KCNJ16: variants seen among roughly 807,000 people sequenced by gnomAD.
KCNJ16 encodes the protein potassium inwardly rectifying channel subfamily J member 16, also known as inward rectifier potassium channel 16.
A neutral mutation model predicts 18.5 loss-of-function variants in KCNJ16; 15 were observed. That is an observed-to-expected ratio of 0.81 (90% CI 0.54 to 1.25). KCNJ16 has a LOEUF of 1.25. KCNJ16 is among the 50% of genes most tolerant of loss of function. KCNJ16 has a pLI of 0.00. For synonymous variants in KCNJ16, 174 were observed against 186.5 expected (o/e 0.93, Z 0.55); for missense variants, 523 against 525.7 (o/e 0.99, Z 0.05).
At chr17:70,096,245 C>T (rs2072366385) in intron 1 of KCNJ16, among the ~76,000 whole-genome samples, 1 of 152,032 alleles carries the variant, frequency 6.6e-6, no homozygotes, top group South Asian at 2.1e-4. Context: ...GTCCTGCATA[C>T]AGTCTGATTT....
At chr17:70,116,653 CAG>C (rs1007706898) in intron 2 of KCNJ16, among the ~76,000 whole-genome samples, 1 of 152,054 alleles carries the variant, frequency 6.6e-6, no homozygotes, top group Non-Finnish European at 1.5e-5. Flanking sequence ...TTTACACAAA[CAG>C]ACACTTTTCA....
At chr17:70,126,149 G>A (rs755752039) in intron 2 of KCNJ16, among the ~76,000 whole-genome samples, 1 of 152,152 alleles carries the variant, frequency 6.6e-6, no homozygotes, top group Non-Finnish European at 1.5e-5. Flanking sequence ...TGTAACTACA[G>A]TCTTCTGCAA....
intron 2 of KCNJ16, among the ~76,000 whole-genome samples, chr17:70,104,638 A>T (rs1246151862): frequency 2.0e-5 from 3 of 152,186 alleles, no homozygotes; most frequent in African/African-American, 7.2e-5. Flanking sequence ...GACAATAAGA[A>T]ATTTAGGGGT....
intron 2 of KCNJ16, among the ~76,000 whole-genome samples, chr17:70,111,602 G>A (rs1234310776): frequency 6.6e-6 from 1 of 152,046 alleles, no homozygotes; most frequent in East Asian, 1.9e-4. Context: ...TCGCAGACAG[G>A]CAAGGTCACT....
intron 1 of KCNJ16, among the ~76,000 whole-genome samples, chr17:70,098,707 C>T (rs1357274436): frequency 3.9e-5 from 6 of 152,046 alleles, no homozygotes; most frequent in African/African-American, 1.4e-4. Context: ...ATATTAGAAG[C>T]TAGAAGCTTT....
Position 70,132,161 on chromosome 17 carries a change from T to C in KCNJ16, c.74T>C (p.Ile25Thr), listed in dbSNP as rs749072198. 33 of 1,614,048 alleles carry C rather than the reference T, an allele frequency of 2.0e-5. No homozygotes were observed. In the South Asian group the frequency reaches 3.5e-4, roughly 17 times the overall value. Residue 25 changes from isoleucine to threonine, a missense_variant, in exon 4 of 4, where the codon ATT becomes ACT. Coordinates refer to ENST00000392671, the MANE Select transcript of KCNJ16 (RefSeq NM_170741.4). ...AKYPGYPPEH[I>T]IAEKRRARRR... ...TACCCAGGCTACCCGCCAGAGCACA[T>C]TATAGCTGAGAAGAGAAGAGCAAGA...
chr17:70,089,513 T>TA (rs2071988437), intron 1 of KCNJ16, among the ~76,000 whole-genome samples: 2 of 152,200 alleles, frequency 1.3e-5, no homozygotes, highest in African/African-American at 4.8e-5. Flanking sequence ...TATGTTTTAA[T>TA]AGTTCCCAAA....
intron 2 of KCNJ16, among the ~76,000 whole-genome samples, chr17:70,111,267 A>G (rs2073173037): frequency 6.6e-6 from 1 of 152,190 alleles, no homozygotes; most frequent in Admixed American, 6.5e-5. Context: ...TTTGCAAAAC[A>G]CAAAAGATAT....
At chr17:70,099,537 A>G (rs2072531040) in intron 1 of KCNJ16, among the ~76,000 whole-genome samples, 1 of 152,110 alleles carries the variant, frequency 6.6e-6, no homozygotes, top group Non-Finnish European at 1.5e-5. Flanking sequence ...GTCTTAGTCC[A>G]CGAAAACAGT....
At chr17:70,113,465 T>C (rs545816385) in intron 2 of KCNJ16, among the ~76,000 whole-genome samples, 318 of 152,326 alleles carry the variant, frequency 2.1e-3, no homozygotes, top group African/African-American at 7.3e-3. Context: ...GTTGATTGAA[T>C]TTAAAAATAC....
chr17:70,082,501 G>C (rs2071598350), intron 1 of KCNJ16, among the ~76,000 whole-genome samples: 1 of 152,182 alleles, frequency 6.6e-6, no homozygotes, highest in Non-Finnish European at 1.5e-5. Flanking sequence ...TGAACATGTG[G>C]AGAGCAGAGA....
chr17:70,092,537 G>A (rs62081363), intron 1 of KCNJ16, among the ~76,000 whole-genome samples: 1 of 128,260 alleles, frequency 7.8e-6, no homozygotes, highest in African/African-American at 3.1e-5. Flanking sequence ...TAGACAGATA[G>A]ATATAGATAG....
In KCNJ16 at chr17:70,134,499, G is replaced by A. The variant is rs770733217; in HGVS notation, c.*1155G>A. 3.0e-5 allele frequency: 5 copies of A among 167,096 alleles called. No individual in the cohort carries two copies. The highest frequency in any genetic ancestry group is 3.4e-3 in the Middle Eastern group (1 of 296). 10.4% of individuals were successfully genotyped at this position (167,096 alleles called of 1,614,324 possible). A position where few individuals can be genotyped will look rare whatever the true frequency, so the allele number is the denominator to read the frequency against. Reference sequence around the variant, plus strand: ...TTAAAGCGATTTGAATGCACAGTAAGTGGATAATCTGAGTACAATGAAATT... The same window carrying A: ...TTAAAGCGATTTGAATGCACAGTAAATGGATAATCTGAGTACAATGAAATT... On this transcript the variant is annotated 3_prime_UTR_variant, in exon 4 of 4. Transcript: ENST00000392671.
rs562481334 is a variant in KCNJ16, at chr17:70,091,875, A to G, written c.-299-8783A>G. Among the ~76,000 whole-genome samples, 13 of 152,244 alleles carry G rather than the reference A, an allele frequency of 8.5e-5. No individual in the cohort carries two copies. The South Asian group carries it at 2.5e-3, about 29-fold the overall frequency. ...CGGGGAGTGTGGAGTTCATCAGTCTATGCAAGTAAATGTTAACATTCCATG... is the reference window on the plus strand; with the variant it reads ...CGGGGAGTGTGGAGTTCATCAGTCTGTGCAAGTAAATGTTAACATTCCATG... On this transcript the variant is annotated intron_variant, in intron 1 of 3. Coordinates refer to ENST00000392671, the MANE Select transcript of KCNJ16 (RefSeq NM_170741.4).
chr17:70,085,200 C>T (rs578042402), intron 1 of KCNJ16, among the ~76,000 whole-genome samples: 57 of 152,294 alleles, frequency 3.7e-4, no homozygotes, highest in African/African-American at 1.4e-3. Flanking sequence ...TGGAGACACA[C>T]AATTTTCACC....
intron 1 of KCNJ16, among the ~76,000 whole-genome samples, chr17:70,087,980 C>T (rs2071897011): frequency 7.8e-6 from 1 of 128,852 alleles, no homozygotes; most frequent in Non-Finnish European, 1.5e-5. Flanking sequence ...TAGCGCCACG[C>T]CACTGCACTG....
chr17:70,085,388 A>C (rs1269197946), intron 1 of KCNJ16, among the ~76,000 whole-genome samples: 1 of 152,182 alleles, frequency 6.6e-6, no homozygotes, highest in Non-Finnish European at 1.5e-5. Context: ...AAAGGTCGGG[A>C]TGTTCTGATG....
intron 2 of KCNJ16, among the ~76,000 whole-genome samples, chr17:70,121,031 T>C (rs2073616692): frequency 6.6e-6 from 1 of 151,928 alleles, no homozygotes; most frequent in South Asian, 2.1e-4. Context: ...GATGATGGGG[T>C]CCATAGAAGA....
At chr17:70,112,786 C>A (rs1321300826) in intron 2 of KCNJ16, among the ~76,000 whole-genome samples, 1 of 152,126 alleles carries the variant, frequency 6.6e-6, no homozygotes, top group African/African-American at 2.4e-5. Context: ...AAATCAGTAT[C>A]TAAAATTATT....
Sources: gnomAD v4.1 joint callset for allele counts (sites outside exome capture counted in the v4.1 genomes callset) on GRCh38, gnomAD v4.1.1 for gene constraint, MANE v1.5 for transcripts, NCBI Gene and HGNC (gene_info 2026-07-23, HGNC 2026-07-21) for gene names.